HECW2: variants seen among roughly 807,000 people sequenced by gnomAD.
HECW2 encodes the protein E3 ubiquitin-protein ligase HECW2.
Under a neutral mutation model 175.2 loss-of-function variants are expected in HECW2, and 61 were observed. That is an observed-to-expected ratio of 0.35 (90% CI 0.28 to 0.43). The LOEUF (loss-of-function observed/expected upper bound fraction) is 0.43, where lower values mean the gene tolerates loss of function less well. HECW2 is among the 20% of genes least tolerant of loss of function. The pLI, the probability that HECW2 is intolerant of heterozygous loss-of-function variation, is 1.00. For synonymous variants in HECW2, 671 were observed against 731.0 expected (o/e 0.92, Z 1.32); for missense variants, 1,524 against 2,000.5 (o/e 0.76, Z 4.54).
intron 2 of HECW2, chr2:196,362,005 G>A (rs1693602848): frequency 1.0e-6 from 1 of 985,246 alleles, no homozygotes; most frequent in African/African-American, 1.7e-5. Flanking sequence ...AAGCTCTGCA[G>A]GTCCACTTCA....
At chr2:196,506,829 T>C (rs1385405882) in intron 1 of HECW2, among the ~76,000 whole-genome samples, 1 of 152,148 alleles carries the variant, frequency 6.6e-6, no homozygotes, top group Non-Finnish European at 1.5e-5. Flanking sequence ...ATTCTGCCAA[T>C]ACTTGGTACT....
intron 1 of HECW2, among the ~76,000 whole-genome samples, chr2:196,446,093 T>C (rs1341440906): frequency 6.6e-6 from 1 of 152,242 alleles, no homozygotes; most frequent in Non-Finnish European, 1.5e-5. Flanking sequence ...CCACATGATC[T>C]GGCTGTTGGT....
chr2:196,358,681 AT>A lies in HECW2; in HGVS notation c.293-14918del, dbSNP rs573638807. On this transcript the variant is annotated intron_variant, in intron 2 of 28. Coordinates refer to ENST00000644978, the MANE Select transcript of HECW2 (RefSeq NM_001348768.2). ...TTTCATTTCATTACTCAAAAGCACA[AT>A]TCTCCAACTTCATTTCCTTAGCTTT... is the stretch of plus-strand genomic sequence containing the variant. Among the ~76,000 whole-genome samples, 133 of 151,374 alleles carry A rather than the reference AT, an allele frequency of 8.8e-4. No individual in the cohort carries two copies. In the South Asian group the frequency reaches 0.013, roughly 15 times the overall value.
Position 196,306,521 on chromosome 2 carries a change from G to A in HECW2, c.2781C>T (p.Ser927=). ...LQSPPVKFLI[S]PEFFTVLHSN... ...AATGCAGCACGGTGAAGAACTCTGG[G>A]CTGATGAGGAACTTCACGGGGGGAG... is the stretch of plus-strand genomic sequence containing the variant. The change falls in exon 13 of 29, where the codon AGC becomes AGT. Residue 927 remains serine, a synonymous_variant. Coordinates refer to ENST00000644978, the MANE Select transcript of HECW2 (RefSeq NM_001348768.2). The A allele has an allele frequency of 6.2e-7, 1 of 1,611,984 alleles. No homozygotes were observed. The highest frequency in any genetic ancestry group is 8.5e-7 in the Non-Finnish European group (1 of 1,179,076).
At chr2:196,332,819 T>C (rs954033448) in intron 4 of HECW2, among the ~76,000 whole-genome samples, 1 of 152,246 alleles carries the variant, frequency 6.6e-6, no homozygotes, top group South Asian at 2.1e-4. Flanking sequence ...AACTAAAGTC[T>C]GTTCCAGTGC....
intron 2 of HECW2, among the ~76,000 whole-genome samples, chr2:196,420,547 C>A (rs1437326460): frequency 6.6e-6 from 1 of 152,184 alleles, no homozygotes; most frequent in African/African-American, 2.4e-5. Flanking sequence ...TATCTGACAC[C>A]TTTCATCATA....
chr2:196,419,475 T>C (rs944551776), intron 2 of HECW2, among the ~76,000 whole-genome samples: 1 of 152,186 alleles, frequency 6.6e-6, no homozygotes, highest in Admixed American at 6.5e-5. Flanking sequence ...AGTCCAAATA[T>C]CATCTTCTTG....
intron 21 of HECW2, among the ~76,000 whole-genome samples, chr2:196,236,750 C>G (rs1354330620): frequency 6.6e-6 from 1 of 152,086 alleles, no homozygotes. Context: ...ATTATGTGTT[C>G]GGGAGGAAGA....
intron 2 of HECW2, among the ~76,000 whole-genome samples, chr2:196,422,608 T>C (rs1383431700): frequency 1.3e-5 from 2 of 152,076 alleles, no homozygotes; most frequent in African/African-American, 4.8e-5. Context: ...CAATAAATAA[T>C]CCTTTGTTCT....
At chr2:196,448,884 T>A (rs973577036) in intron 1 of HECW2, among the ~76,000 whole-genome samples, 1 of 152,124 alleles carries the variant, frequency 6.6e-6, no homozygotes, top group Non-Finnish European at 1.5e-5. Context: ...TCAATACAAA[T>A]CACATCCTTT....
At chr2:196,213,853 A>T (rs1046751886) in intron 28 of HECW2, among the ~76,000 whole-genome samples, 27 of 152,284 alleles carry the variant, frequency 1.8e-4, no homozygotes, top group Middle Eastern at 3.4e-3. Context: ...TGCTCAACCC[A>T]ACCTAATATA....
chr2:196,430,290 C>A (rs1326196761), intron 2 of HECW2, among the ~76,000 whole-genome samples: 3 of 152,018 alleles, frequency 2.0e-5, no homozygotes, highest in Admixed American at 2.0e-4. Flanking sequence ...AAGAAATAAA[C>A]CTGCTTATTA....
intron 1 of HECW2, among the ~76,000 whole-genome samples, chr2:196,539,783 TAA>T (rs1371480176): frequency 6.6e-6 from 1 of 152,230 alleles, no homozygotes; most frequent in Non-Finnish European, 1.5e-5. Context: ...AATCTGAATA[TAA>T]GATAGGTTCA....
chr2:196,320,887 A>G (rs1691916178), intron 7 of HECW2, among the ~76,000 whole-genome samples: 1 of 152,218 alleles, frequency 6.6e-6, no homozygotes, highest in Non-Finnish European at 1.5e-5. Context: ...AAGGACACTC[A>G]CAGCTAAGGA....
intron 28 of HECW2, among the ~76,000 whole-genome samples, chr2:196,205,887 A>G (rs1207559135): frequency 6.6e-6 from 1 of 152,206 alleles, no homozygotes; most frequent in Non-Finnish European, 1.5e-5. Context: ...AGAAATTTCA[A>G]AACTCCTTAT....
chr2:196,418,490 A>G (rs1695318579), intron 2 of HECW2, among the ~76,000 whole-genome samples: 2 of 152,196 alleles, frequency 1.3e-5, no homozygotes, highest in African/African-American at 4.8e-5. Context: ...TAGAGGTATA[A>G]TAACTATATC....
chr2:196,250,536 AC>A (rs1338710360), intron 19 of HECW2, among the ~76,000 whole-genome samples: 2 of 152,200 alleles, frequency 1.3e-5, no homozygotes, highest in Non-Finnish European at 2.9e-5. Flanking sequence ...GGAAGGAGGT[AC>A]CCTGCCTAAA....
chr2:196,492,568 G>A (rs1687238769), intron 1 of HECW2, among the ~76,000 whole-genome samples: 1 of 152,192 alleles, frequency 6.6e-6, no homozygotes, highest in African/African-American at 2.4e-5. Context: ...CTCAGTCAGA[G>A]GACAAAGGAT....
intron 2 of HECW2, among the ~76,000 whole-genome samples, chr2:196,432,681 C>CA (rs1695750067): frequency 6.6e-6 from 1 of 152,144 alleles, no homozygotes; most frequent in African/African-American, 2.4e-5. Flanking sequence ...TCTTAGGCTA[C>CA]AAGTAGTTCT....
Sources: gnomAD v4.1 joint callset for allele counts (sites outside exome capture counted in the v4.1 genomes callset) on GRCh38, gnomAD v4.1.1 for gene constraint, MANE v1.5 for transcripts, NCBI Gene and HGNC (gene_info 2026-07-23, HGNC 2026-07-21) for gene names.